The following UTP14A variants were observed in gnomAD, a reference collection of about 807,000 sequenced individuals.
The protein encoded by UTP14A is U3 small nucleolar RNA-associated protein 14 homolog A.
A neutral mutation model predicts 57.2 loss-of-function variants in UTP14A; 5 were observed. That is an observed-to-expected ratio of 0.09 (90% CI 0.05 to 0.18). UTP14A has a LOEUF of 0.18. Ranked by LOEUF, UTP14A falls within the 10% of genes least tolerant of loss-of-function variation. The pLI, the probability that UTP14A is intolerant of heterozygous loss-of-function variation, is 1.00. For synonymous variants in UTP14A, 169 were observed against 210.9 expected (o/e 0.80, Z 1.72); for missense variants, 430 against 562.1 (o/e 0.76, Z 2.38).
chrX:129,919,878 A>G (rs1051703233), intron 8 of UTP14A, among the ~76,000 whole-genome samples: 13 of 111,190 alleles, frequency 1.2e-4, no homozygotes, highest in African/African-American at 4.3e-4. Context: ...TCAGGAGTTC[A>G]AGACCAGCCT....
Position 129,924,867 on chromosome X carries a change from G to A in UTP14A, c.1421G>A (p.Arg474Lys), listed in dbSNP as rs1193219579. 1 of 1,211,195 alleles carries A rather than the reference G, an allele frequency of 8.3e-7. No individual in the cohort carries two copies. The highest frequency in any genetic ancestry group is 2.2e-5 in the Admixed American group (1 of 45,871). Reference sequence around the variant, plus strand: ...AAATTGAAGGAAAACCATCAGTCCAGGAAGCAAAAAGCAAGTTCAGAGGGG... The same window carrying A: ...AAATTGAAGGAAAACCATCAGTCCAAGAAGCAAAAAGCAAGTTCAGAGGGG... ...SQKLKENHQSRKQKASSEGTI... is the reference protein window; with the variant it reads ...SQKLKENHQSKKQKASSEGTI... The change falls in exon 12 of 15, where the codon AGG becomes AAG. Residue 474 changes from arginine to lysine, a missense_variant. Arg to Lys is a conservative substitution (Grantham distance 26). Around this residue, in one of 4 missense-constraint regions of UTP14A, gnomAD observed 120 missense variants for 116.8 expected, o/e 1.03. Coordinates refer to ENST00000394422, the MANE Select transcript of UTP14A (RefSeq NM_006649.4).
At position 129,929,571 on chromosome X, in the gene UTP14A, G is replaced by C; in HGVS notation, c.2279G>C (p.Arg760Pro). The change falls in exon 15 of 15, where the codon CGT becomes CCT. Residue 760 changes from arginine to proline, a missense_variant. This residue lies in a region of UTP14A where 82 missense variants were observed against 151.4 expected (regional missense o/e 0.54). Transcript: ENST00000394422. ...IQRNPKRITT[R>P]HKKQLKKCSV... ...AGGAATCCAAAACGAATCACCACACGTCACAAAAAACAGCTGAAGAAATGC... is the reference window on the plus strand; with the variant it reads ...AGGAATCCAAAACGAATCACCACACCTCACAAAAAACAGCTGAAGAAATGC... 1 of 1,211,208 alleles carries C rather than the reference G, an allele frequency of 8.3e-7. No homozygotes were observed. The highest frequency in any genetic ancestry group is 1.1e-6 in the Non-Finnish European group (1 of 895,211).
chrX:129,926,477 T>C, intron 14 of UTP14A, 138 bp downstream of exon 14: 1 of 550,463 alleles, frequency 1.8e-6, no homozygotes, highest in Non-Finnish European at 2.9e-6. Context: ...TTTCACTGAA[T>C]GGCTGTTAGA....
rs765485616 is a variant in UTP14A at position 129,919,259 on chromosome X, G to A, written c.622G>A (p.Glu208Lys). 3 of 1,211,792 alleles carry A rather than the reference G, an allele frequency of 2.5e-6. No homozygotes were observed. The South Asian group carries it at 5.3e-5, about 21-fold the overall frequency. Residue 208 changes from glutamate (E) to lysine (K), a missense_variant, in exon 7 of 15, where the codon GAA becomes AAA. Transcript: ENST00000394422. Reference protein sequence around the residue: ...PVTDPLLTPVEKASLRAMSLE... With the variant: ...PVTDPLLTPVKKASLRAMSLE... ...GACAGACCCTTTACTGACCCCTGTGGAAAAGGCCTCTCTCCGAGCCATGAG... is the reference window on the plus strand; with the variant it reads ...GACAGACCCTTTACTGACCCCTGTGAAAAAGGCCTCTCTCCGAGCCATGAG...
At chrX:129,908,240 A>G (rs1227523496) in intron 3 of UTP14A, 110 bp downstream of exon 3, 1 of 575,029 alleles carries the variant, frequency 1.7e-6, no homozygotes, top group Non-Finnish European at 2.7e-6. Context: ...AGTGCCTAGC[A>G]TATAGTAAGC....
chrX:129,909,147 A>G (rs1929363711), intron 4 of UTP14A, among the ~76,000 whole-genome samples: 1 of 109,646 alleles, frequency 9.1e-6, no homozygotes, highest in South Asian at 4.0e-4. Context: ...GCCTTTGCCT[A>G]GTACAGTATT....
intron 14 of UTP14A, among the ~76,000 whole-genome samples, chrX:129,926,640 G>T (rs34529764): frequency 8.9e-6 from 1 of 111,835 alleles, no homozygotes; most frequent in Non-Finnish European, 1.9e-5. Flanking sequence ...TGAGAAGATT[G>T]TAAGTTGTGT....
At chrX:129,912,676 T>C (rs1478024246) in intron 6 of UTP14A, among the ~76,000 whole-genome samples, 1 of 111,006 alleles carries the variant, frequency 9.0e-6, no homozygotes, top group African/African-American at 3.3e-5. Flanking sequence ...CATTAAAATA[T>C]AATGTGTTGC....
At chrX:129,917,636 G>C (rs1013372597) in intron 6 of UTP14A, among the ~76,000 whole-genome samples, 1 of 111,767 alleles carries the variant, frequency 8.9e-6, no homozygotes, top group Admixed American at 9.5e-5. Context: ...AGAAAATGAG[G>C]AGAGTTCAAC....
At chrX:129,907,784 G>A (rs1050487209) in intron 2 of UTP14A, among the ~76,000 whole-genome samples, 19 of 110,757 alleles carry the variant, frequency 1.7e-4, no homozygotes, top group African/African-American at 6.2e-4. Context: ...GTGAAACCCC[G>A]TCTCTACTAA....
chrX:129,910,937 G>C, intron 4 of UTP14A, 71 bp from the exon 5 acceptor site: 1 of 1,154,468 alleles, frequency 8.7e-7, no homozygotes, highest in South Asian at 2.0e-5. Context: ...TTCTACTGAG[G>C]CTTCTCCCTA....
chrX:129,908,762 G>C, intron 4 of UTP14A, 28 bp downstream of exon 4: 1 of 1,187,530 alleles, frequency 8.4e-7, no homozygotes, highest in East Asian at 3.0e-5. Flanking sequence ...AGATACCCAT[G>C]CATGAAACCT....
intron 2 of UTP14A, among the ~76,000 whole-genome samples, chrX:129,907,781 C>G (rs895933109): frequency 1.8e-5 from 2 of 110,732 alleles, no homozygotes; most frequent in African/African-American, 6.6e-5. Context: ...ACAGTGAAAC[C>G]CCGTCTCTAC....
intron 1 of UTP14A, among the ~76,000 whole-genome samples, chrX:129,906,488 CTG>C (rs763746505): frequency 1.4e-4 from 16 of 111,939 alleles, no homozygotes; most frequent in Non-Finnish European, 2.3e-4. Flanking sequence ...AGCTCATTTA[CTG>C]TGTTTCACAT....
In UTP14A at chrX:129,924,953, C is replaced by G. The variant is rs1435676252; in HGVS notation, c.1507C>G (p.Gln503Glu). Residue 503 changes from glutamine (Q) to glutamate (E), a missense_variant, in exon 12 of 15, where the codon CAG becomes GAG. Physicochemically the swap from Gln to Glu is conservative, Grantham distance 29. Transcript: ENST00000394422. ...APEEEEPLLL[Q>E]RPERVQTLEE... ...AGAAGAAGAGGAGCCCCTGTTGCTA[C>G]AGAGACCAGAGAGAGTACAGACGCT... 1 of 1,211,353 alleles carries G rather than the reference C, an allele frequency of 8.3e-7. No homozygotes were observed. Among genetic ancestry groups the G allele is most frequent in the Non-Finnish European group, 1.1e-6 (1 of 895,486 alleles).
intron 4 of UTP14A, among the ~76,000 whole-genome samples, chrX:129,910,807 A>AC (rs1163445086): frequency 8.9e-6 from 1 of 112,606 alleles, no homozygotes; most frequent in Admixed American, 9.4e-5. Context: ...CCTATCTTCT[A>AC]CCCCCTAACA....
At chrX:129,913,336 A>C (rs1158193337) in intron 6 of UTP14A, 2 of 336,809 alleles carry the variant, frequency 5.9e-6, no homozygotes, top group South Asian at 5.3e-5. Context: ...CATGAAAAAG[A>C]GATCAGGTTT....
rs1160162232 is a variant in UTP14A, at chrX:129,929,593, A to G, written c.2301A>G (p.Lys767=). 1.7e-6 allele frequency: 2 copies of G among 1,209,026 alleles called. No homozygotes were observed. Among genetic ancestry groups the G allele is most frequent in the African/African-American group, 1.7e-5 (1 of 57,220 alleles). Residue 767 remains lysine (K), a synonymous_variant, in exon 15 of 15, where the codon AAA becomes AAG. Transcript: ENST00000394422. ...ITTRHKKQLK[K]CSVD ...CACGTCACAAAAAACAGCTGAAGAA[A>G]TGCTCTGTAGATTGAGTTGCTGGAG...
At chrX:129,914,772 C>T (rs1241288977) in intron 6 of UTP14A, among the ~76,000 whole-genome samples, 1 of 112,443 alleles carries the variant, frequency 8.9e-6, no homozygotes, top group Non-Finnish European at 1.9e-5. Flanking sequence ...TCTCTGTCTA[C>T]AGTGGTATTT....
Sources: allele counts gnomAD v4.1 joint callset (sites outside exome capture counted in the v4.1 genomes callset), GRCh38; gene constraint gnomAD v4.1.1; regional missense constraint gnomAD v4.1.1; transcripts MANE v1.5; gene names NCBI Gene and HGNC (gene_info 2026-07-23, HGNC 2026-07-21).